The following LRP1B variants were observed in gnomAD, a reference collection of about 807,000 sequenced individuals.
The protein encoded by LRP1B is low-density lipoprotein receptor-related protein 1B.
Under a neutral mutation model 556.6 loss-of-function variants are expected in LRP1B, and 217 were observed. The observed-to-expected ratio is 0.39, with a 90% CI of 0.35 to 0.44. The LOEUF (loss-of-function observed/expected upper bound fraction) is 0.44. Ranked by LOEUF, LRP1B falls within the 20% of genes least tolerant of loss-of-function variation. The probability of loss-of-function intolerance (pLI) is 1.00; values close to 1 mark genes in which losing one functional copy is unlikely to be tolerated. For synonymous variants in LRP1B, 2,047 were observed against 1,865.8 expected, an observed-to-expected ratio of 1.10 and a Z score of -2.50; for missense variants, 5,053 against 5,620.8, an observed-to-expected ratio of 0.90 and a Z score of 3.23.
chr2:140,573,516 T>C (rs946539648), intron 43 of LRP1B, among the ~76,000 whole-genome samples: 1 of 151,966 alleles, frequency 6.6e-6, no homozygotes, highest in African/African-American at 2.4e-5. Context: ...GAAATTATCT[T>C]TGAGTGATAT....
At chr2:140,547,358 A>AT (rs962744044) in intron 43 of LRP1B, among the ~76,000 whole-genome samples, 3 of 151,902 alleles carry the variant, frequency 2.0e-5, no homozygotes, top group Non-Finnish European at 4.4e-5. Flanking sequence ...CAGGGATTCA[A>AT]TTTTTTTCCT....
At chr2:141,739,723 T>C (rs1030060699) in intron 2 of LRP1B, among the ~76,000 whole-genome samples, 1 of 149,762 alleles carries the variant, frequency 6.7e-6, no homozygotes, top group African/African-American at 2.4e-5. Context: ...CTTTGATCAA[T>C]ACCAATGAAT....
Position 140,503,110 on chromosome 2 carries a change from A to G in LRP1B, c.8522-7T>C. ...GTACCACACTGTCGATATCCTAGAG[A>G]CGCAGAAAAAACATTTGACTAATTC... On this transcript the variant is annotated splice_polypyrimidine_tract_variant and splice_region_variant and intron_variant, in intron 53 of 90. Transcript: ENST00000389484. The G allele has an allele frequency of 6.2e-7, 1 of 1,612,180 alleles. No homozygotes were observed. The highest frequency in any genetic ancestry group is 8.5e-7 in the Non-Finnish European group (1 of 1,178,664).
At chr2:141,103,529 T>TCTCTCTCTCTCTCTCTCTCTCTCA (rs1286883927) in intron 7 of LRP1B, among the ~76,000 whole-genome samples, 5 of 151,906 alleles carry the variant, frequency 3.3e-5, no homozygotes, top group African/African-American at 1.2e-4. Flanking sequence ...ACATTCTCTC[T>TCTCTCTCTCTCTCTCTCTCTCTCA]CTCTCTTAAA....
intron 66 of LRP1B, among the ~76,000 whole-genome samples, chr2:140,412,763 ATGTT>A (rs1329825326): frequency 6.6e-6 from 1 of 152,104 alleles, no homozygotes; most frequent in Non-Finnish European, 1.5e-5. Context: ...TGATGTCAAA[ATGTT>A]TGCCGTTTTT....
At chr2:141,103,292 T>C (rs1281439795) in intron 7 of LRP1B, among the ~76,000 whole-genome samples, 1 of 152,116 alleles carries the variant, frequency 6.6e-6, no homozygotes, top group Non-Finnish European at 1.5e-5. Context: ...TAAAGCCTCT[T>C]TTTCTTTACA....
At chr2:141,100,998 AG>A (rs1700446724) in intron 7 of LRP1B, among the ~76,000 whole-genome samples, 3 of 152,098 alleles carry the variant, frequency 2.0e-5, no homozygotes. Flanking sequence ...TGGAGGTAAG[AG>A]GGGGTAGACA....
At chr2:140,728,658 C>T (rs577202286) in intron 35 of LRP1B, among the ~76,000 whole-genome samples, 1 of 152,120 alleles carries the variant, frequency 6.6e-6, no homozygotes, top group East Asian at 1.9e-4. Flanking sequence ...AAACAGAGGC[C>T]TTCCCAACAA....
At chr2:141,862,352 A>G (rs777122125) in intron 1 of LRP1B, among the ~76,000 whole-genome samples, 19 of 152,188 alleles carry the variant, frequency 1.2e-4, no homozygotes, top group African/African-American at 4.1e-4. Flanking sequence ...CTTCTACAAC[A>G]TTAAATTACT....
At chr2:141,624,029 AAT>A (rs200579709) in intron 2 of LRP1B, among the ~76,000 whole-genome samples, 55,085 of 99,590 alleles carry the variant, frequency 0.55, 16,890 homozygotes, top group East Asian at 0.65. Context: ...AAAAAAAAAA[AAT>A]TAAACAAAAA....
intron 1 of LRP1B, among the ~76,000 whole-genome samples, chr2:142,092,423 G>A (rs1706207228): frequency 6.6e-6 from 1 of 152,042 alleles, no homozygotes; most frequent in Admixed American, 6.6e-5. Context: ...AATTCCTCAA[G>A]AACATTTCTG....
chr2:141,100,012 A>G (rs1460149145), intron 7 of LRP1B, among the ~76,000 whole-genome samples: 1 of 152,146 alleles, frequency 6.6e-6, no homozygotes, highest in Admixed American at 6.5e-5. Context: ...CTGAATAATG[A>G]CCTCTATTTT....
rs773459049 is a variant in LRP1B at position 141,049,183 on chromosome 2, C to T, written c.1592G>A (p.Arg531His). 23 of 1,613,344 alleles carry T rather than the reference C, an allele frequency of 1.4e-5. No individual in the cohort carries two copies. In the East Asian group the frequency reaches 3.8e-4, roughly 27 times the overall value. Residue 531 changes from arginine (R) to histidine (H), a missense_variant, in exon 11 of 91, where the codon CGC (arginine) becomes CAC (histidine). Arg to His is a conservative substitution (Grantham distance 29). Around this residue, in one of 5 missense-constraint regions of LRP1B, gnomAD observed 3,619 missense variants for 3,931.9 expected, o/e 0.92. Coordinates refer to ENST00000389484, the MANE Select transcript of LRP1B (RefSeq NM_018557.3). ...GTCCATTCCTCTAACAATTCCTGGG[C>T]GTCCTTTCCCATAAAAGAGGAACAA... ...NELFLFYGKG[R>H]PGIVRGMDLN...
rs747264751 is a variant in LRP1B at position 141,062,190 on chromosome 2, T to G, written c.1097A>C (p.Asp366Ala). 1 of 1,611,944 alleles carries G rather than the reference T, an allele frequency of 6.2e-7. No individual in the cohort carries two copies. The highest frequency in any genetic ancestry group is 1.1e-5 in the South Asian group (1 of 91,038). ...TGCAGCTGGCTGCTCTGTCTTTGAA[T>G]CAATTATCCTTGTTCGGTTCATCCC... ...MDGMNRTRII[D>A]SKTEQPAALA... The change falls in exon 8 of 91, where the codon GAT becomes GCT. Residue 366 changes from aspartate (D) to alanine (A), a missense_variant. Coordinates refer to ENST00000389484, the MANE Select transcript of LRP1B (RefSeq NM_018557.3).
intron 78 of LRP1B, 97 bp from the exon 79 acceptor site, chr2:140,334,656 G>A (rs904666877): frequency 1.6e-6 from 1 of 621,920 alleles, no homozygotes; most frequent in Non-Finnish European, 2.8e-6. Flanking sequence ...ACGTGCCTCA[G>A]AATCACCCCA....
chr2:140,319,431 T>G (rs1453787582), intron 82 of LRP1B, among the ~76,000 whole-genome samples: 2 of 152,152 alleles, frequency 1.3e-5, no homozygotes, highest in African/African-American at 2.4e-5. Context: ...AGGGATTATG[T>G]GGAACTGCTG....
At chr2:141,509,444 T>C (rs917614095) in intron 2 of LRP1B, among the ~76,000 whole-genome samples, 4 of 152,144 alleles carry the variant, frequency 2.6e-5, no homozygotes, top group African/African-American at 9.7e-5. Context: ...CAGAGCTTCT[T>C]TGAGTGATGC....
intron 1 of LRP1B, among the ~76,000 whole-genome samples, chr2:142,034,906 C>T (rs558928708): frequency 4.0e-5 from 6 of 151,472 alleles, no homozygotes; most frequent in Non-Finnish European, 5.9e-5. Flanking sequence ...AAATACAACA[C>T]GTTTGTAAAG....
At chr2:141,106,227 G>T (rs1394629287) in intron 7 of LRP1B, among the ~76,000 whole-genome samples, 1 of 151,988 alleles carries the variant, frequency 6.6e-6, no homozygotes, top group Non-Finnish European at 1.5e-5. Flanking sequence ...TTATGTCATC[G>T]ACACTTCATT....
Sources: allele counts gnomAD v4.1 joint callset (sites outside exome capture counted in the v4.1 genomes callset), GRCh38; gene constraint gnomAD v4.1.1; regional missense constraint gnomAD v4.1.1; transcripts MANE v1.5; gene names NCBI Gene and HGNC (gene_info 2026-07-23, HGNC 2026-07-21).